The following MAML3 variants were observed in gnomAD, a reference collection of about 807,000 sequenced individuals.
MAML3 encodes the protein mastermind like transcriptional coactivator 3.
A neutral mutation model predicts 101.9 loss-of-function variants in MAML3; 27 were observed. The observed-to-expected ratio is 0.27, with a 90% CI of 0.20 to 0.37. MAML3 has a LOEUF of 0.37. Among genes scored for constraint, MAML3 ranks in the 10% least tolerant of loss-of-function variants. The pLI is 1.00. For missense variants in MAML3, 1,316 were observed against 1,444.9 expected, an observed-to-expected ratio of 0.91 and a Z score of 1.45; for synonymous variants, 501 against 555.9, an observed-to-expected ratio of 0.90 and a Z score of 1.39.
intron 2 of MAML3, among the ~76,000 whole-genome samples, chr4:139,837,939 AT>A (rs71593733): frequency 1.2e-4 from 18 of 145,714 alleles, no homozygotes; most frequent in African/African-American, 3.3e-4. Context: ...AAAGAAAAAA[AT>A]ATATACATAT....
In MAML3 at chr4:139,725,852, C is replaced by T; in HGVS notation, c.2332-17G>A. 2 of 1,610,142 alleles carry T rather than the reference C, an allele frequency of 1.2e-6. No homozygotes were observed. The highest frequency in any genetic ancestry group is 1.7e-6 in the Non-Finnish European group (2 of 1,176,548). ...CTGCAACTGCTAGAACAACAGAACA[C>T]AAGAGGGGTGGAGAGGTGAGATAGG... On this transcript the variant is annotated splice_polypyrimidine_tract_variant and intron_variant, in intron 3 of 4. Coordinates refer to ENST00000509479, the MANE Select transcript of MAML3 (RefSeq NM_018717.5).
chr4:140,023,910 A>T lies in MAML3; in HGVS notation c.468+128950T>A, dbSNP rs893124803. 3.3e-5 allele frequency among the ~76,000 whole-genome samples: 5 copies of T among 152,246 alleles called. No individual in the cohort carries two copies. In the East Asian group the frequency reaches 7.7e-4, roughly 23 times the overall value. On this transcript the variant is annotated intron_variant, in intron 1 of 4. Coordinates refer to ENST00000509479, the MANE Select transcript of MAML3 (RefSeq NM_018717.5). ...TTATTCACCTTTTACTTTTATTTAC[A>T]TATTACTCTCCTTTAAAACAGTGTG...
intron 1 of MAML3, among the ~76,000 whole-genome samples, chr4:139,982,240 A>G (rs2110811237): frequency 1.3e-5 from 2 of 152,088 alleles, no homozygotes; most frequent in South Asian, 4.2e-4. Context: ...TACTTTATTT[A>G]TTTTGCTCAG....
intron 1 of MAML3, among the ~76,000 whole-genome samples, chr4:139,915,487 G>T (rs1276933140): frequency 6.6e-6 from 1 of 152,130 alleles, no homozygotes; most frequent in Non-Finnish European, 1.5e-5. Context: ...AGAACCTCAT[G>T]GGCAGAACTT....
intron 1 of MAML3, among the ~76,000 whole-genome samples, chr4:139,912,289 G>C (rs1441050188): frequency 6.6e-6 from 1 of 152,144 alleles, no homozygotes; most frequent in Non-Finnish European, 1.5e-5. Context: ...AGACAAAGAA[G>C]TTTGGCTCTA....
chr4:140,058,749 T>C lies in MAML3; in HGVS notation c.468+94111A>G, dbSNP rs1727395623. ...GTTTCATTAGTCTCCTATTTGAGCA[T>C]TTAATTTGTTTTATAATTTTTTTCC... On this transcript the variant is annotated intron_variant, in intron 1 of 4. Coordinates refer to ENST00000509479, the MANE Select transcript of MAML3 (RefSeq NM_018717.5). 2.0e-5 allele frequency among the ~76,000 whole-genome samples: 3 copies of C among 152,212 alleles called. 1 individual carries two copies. Among genetic ancestry groups the C allele is most frequent in the Admixed American group, 1.3e-4 (2 of 15,278 alleles).
chr4:140,044,259 G>C (rs1727142682), intron 1 of MAML3, among the ~76,000 whole-genome samples: 1 of 152,206 alleles, frequency 6.6e-6, no homozygotes, highest in South Asian at 2.1e-4. Flanking sequence ...AAGGAAAGGA[G>C]AGAGGGAGGG....
chr4:139,910,818 T>C (rs1220136555), intron 1 of MAML3, among the ~76,000 whole-genome samples: 1 of 152,134 alleles, frequency 6.6e-6, no homozygotes, highest in Non-Finnish European at 1.5e-5. Context: ...GAAGGACAAG[T>C]GAAAATGTGT....
intron 1 of MAML3, among the ~76,000 whole-genome samples, chr4:140,036,284 T>C (rs1179140668): frequency 6.6e-6 from 1 of 152,220 alleles, no homozygotes; most frequent in Non-Finnish European, 1.5e-5. Flanking sequence ...CTTTCCTGGA[T>C]ACATTTGCCT....
intron 1 of MAML3, among the ~76,000 whole-genome samples, chr4:140,042,787 C>T (rs1727109482): frequency 6.6e-6 from 1 of 152,128 alleles, no homozygotes; most frequent in Non-Finnish European, 1.5e-5. Context: ...TTCCTGTGGG[C>T]CCCATGTTGC....
intron 1 of MAML3, among the ~76,000 whole-genome samples, chr4:140,097,633 G>GA (rs34536317): frequency 0.37 from 54,775 of 146,536 alleles, 10,214 homozygotes; most frequent in East Asian, 0.48. Context: ...AGAGTGGCCA[G>GA]AAAAAAAAAA....
At chr4:139,761,549 C>T (rs1193567728) in intron 2 of MAML3, among the ~76,000 whole-genome samples, 3 of 152,186 alleles carry the variant, frequency 2.0e-5, no homozygotes. Context: ...CTAACCTTCT[C>T]CACTAGAGCA....
chr4:140,106,273 T>C (rs1353358119), intron 1 of MAML3, among the ~76,000 whole-genome samples: 2 of 152,204 alleles, frequency 1.3e-5, no homozygotes, highest in Admixed American at 1.3e-4. Context: ...TGACTAATCC[T>C]TCTAATTAGC....
chr4:139,878,857 T>A (rs1038571010), intron 2 of MAML3, among the ~76,000 whole-genome samples: 1 of 152,214 alleles, frequency 6.6e-6, no homozygotes, highest in Non-Finnish European at 1.5e-5. Context: ...AAGCCTTGTG[T>A]CGCCTTTAAT....
chr4:140,062,798 G>A (rs1727468995), intron 1 of MAML3, among the ~76,000 whole-genome samples: 1 of 152,182 alleles, frequency 6.6e-6, no homozygotes, highest in East Asian at 1.9e-4. Context: ...TAGATTTTGA[G>A]TATCTATTTT....
At position 140,051,974 on chromosome 4, in the gene MAML3, A is replaced by G. The variant is rs1300746373; in HGVS notation, c.468+100886T>C. On this transcript the variant is annotated intron_variant, in intron 1 of 4. Coordinates refer to ENST00000509479, the MANE Select transcript of MAML3 (RefSeq NM_018717.5). Reference sequence around the variant, plus strand: ...ATCTCAGACCTCTTACTGATACCTCACCCCTGTGTGTTAATTTGTGTTACC... The same window carrying G: ...ATCTCAGACCTCTTACTGATACCTCGCCCCTGTGTGTTAATTTGTGTTACC... 3.3e-5 allele frequency among the ~76,000 whole-genome samples: 5 copies of G among 151,850 alleles called. No individual in the cohort carries two copies. The East Asian group carries it at 9.6e-4, about 29-fold the overall frequency.
At chr4:139,855,501 T>C (rs1348247725) in intron 2 of MAML3, among the ~76,000 whole-genome samples, 2 of 152,260 alleles carry the variant, frequency 1.3e-5, no homozygotes, top group Non-Finnish European at 2.9e-5. Flanking sequence ...CCTAGTGGCA[T>C]ATCTACATGC....
chr4:139,823,536 G>C (rs1190631215), intron 2 of MAML3, among the ~76,000 whole-genome samples: 1 of 152,110 alleles, frequency 6.6e-6, no homozygotes, highest in African/African-American at 2.4e-5. Flanking sequence ...CTGGTCCTTG[G>C]TGTTTGCATG....
At chr4:139,908,377 C>T (rs1732857485) in intron 1 of MAML3, among the ~76,000 whole-genome samples, 1 of 152,164 alleles carries the variant, frequency 6.6e-6, no homozygotes, top group African/African-American at 2.4e-5. Context: ...TTGCATTTAG[C>T]TGTAACTTGG....
Sources: gnomAD v4.1 joint callset for allele counts (sites outside exome capture counted in the v4.1 genomes callset) on GRCh38, gnomAD v4.1.1 for gene constraint, MANE v1.5 for transcripts, NCBI Gene and HGNC (gene_info 2026-07-23, HGNC 2026-07-21) for gene names.